PRELID2: variants seen among roughly 807,000 people sequenced by gnomAD.
The protein encoded by PRELID2 is PRELI domain containing 2.
In PRELID2, 25 loss-of-function variants were observed where a neutral mutation model predicts 28.4. The ratio of observed to expected loss-of-function variants is 0.88; its 90% confidence interval spans 0.64 to 1.23. The LOEUF (loss-of-function observed/expected upper bound fraction) is 1.23. Among genes scored for constraint, PRELID2 ranks in the 50% most tolerant of loss-of-function variants. The pLI is 0.00. For missense variants in PRELID2, 201 were observed against 214.4 expected, an observed-to-expected ratio of 0.94 and a Z score of 0.39; for synonymous variants, 76 against 71.6, an observed-to-expected ratio of 1.06 and a Z score of -0.31.
intron 1 of PRELID2, among the ~76,000 whole-genome samples, chr5:145,723,062 A>C (rs996627798): frequency 6.6e-6 from 1 of 152,176 alleles, no homozygotes; most frequent in African/African-American, 2.4e-5. Context: ...TATAATATTG[A>C]TACCTAAATT....
intron 1 of PRELID2, among the ~76,000 whole-genome samples, chr5:145,629,345 C>G (rs1753900569): frequency 6.6e-6 from 1 of 152,152 alleles, no homozygotes; most frequent in South Asian, 2.1e-4. Flanking sequence ...CGTTCAAGTC[C>G]TTTTTCTTTT....
At chr5:145,455,717 G>A in the PRELID2 span, among the ~76,000 whole-genome samples, 2 of 152,124 alleles carry the variant, frequency 1.3e-5, no homozygotes, top group African/African-American at 4.8e-5. Context: ...TTGTGAATGG[G>A]AGTTCACTCA....
At chr5:145,262,351 T>A in the PRELID2 span, among the ~76,000 whole-genome samples, 1 of 151,808 alleles carries the variant, frequency 6.6e-6, no homozygotes, top group South Asian at 2.1e-4. Flanking sequence ...GGGAAATTAA[T>A]CACAAAAAGA....
intron 5 of PRELID2, among the ~76,000 whole-genome samples, chr5:145,766,295 T>A (rs888730717): frequency 6.6e-6 from 1 of 151,884 alleles, no homozygotes; most frequent in Non-Finnish European, 1.5e-5. Flanking sequence ...CCAGGAAAAT[T>A]CTGATTTAAT....
At chr5:145,710,428 G>T (rs564091196) in intron 1 of PRELID2, among the ~76,000 whole-genome samples, 1 of 152,052 alleles carries the variant, frequency 6.6e-6, no homozygotes, top group Admixed American at 6.6e-5. Flanking sequence ...TTTTCAAAAA[G>T]GTAGGAAATA....
At chr5:145,623,453 A>T (rs6883831) in intron 1 of PRELID2, among the ~76,000 whole-genome samples, 15,565 of 150,276 alleles carry the variant, frequency 0.1, 1,102 homozygotes, top group Admixed American at 0.2. Flanking sequence ...TTCTCAAAAA[A>T]AAATAAATAA....
At chr5:145,701,308 T>C (rs1429869090) in intron 1 of PRELID2, among the ~76,000 whole-genome samples, 1 of 152,126 alleles carries the variant, frequency 6.6e-6, no homozygotes, top group Non-Finnish European at 1.5e-5. Flanking sequence ...TACTTTCAAC[T>C]TAATTAAAAA....
chr5:145,424,830 T>A, the PRELID2 span, among the ~76,000 whole-genome samples: 15 of 152,254 alleles, frequency 9.9e-5, no homozygotes, highest in African/African-American at 3.6e-4. Flanking sequence ...GAAGAAAATC[T>A]AGGCAATACC....
chr5:145,817,442 T>TAC (rs1561644406), intron 4 of PRELID2, among the ~76,000 whole-genome samples: 7 of 139,810 alleles, frequency 5.0e-5, no homozygotes, highest in Non-Finnish European at 9.3e-5. Flanking sequence ...TATATATATA[T>TAC]ATATATCACA....
intron 1 of PRELID2, among the ~76,000 whole-genome samples, chr5:145,742,187 TATAA>T (rs1489836900): frequency 1.5e-3 from 58 of 38,374 alleles, no homozygotes; most frequent in African/African-American, 3.7e-3. Context: ...TAAATTTATA[TATAA>T]ATAATAATAT....
chr5:145,434,886 T>G, the PRELID2 span, among the ~76,000 whole-genome samples: 1 of 152,016 alleles, frequency 6.6e-6, no homozygotes, highest in African/African-American at 2.4e-5. Context: ...AGATGAGAGG[T>G]GTATGCAGTG....
intron 5 of PRELID2, among the ~76,000 whole-genome samples, chr5:145,792,738 T>C (rs978779962): frequency 6.6e-6 from 1 of 152,136 alleles, no homozygotes; most frequent in Admixed American, 6.5e-5. Flanking sequence ...AAAAAAAACA[T>C]ATAACCATAA....
chr5:145,520,770 C>G (rs1752557126), intron 1 of PRELID2, among the ~76,000 whole-genome samples: 1 of 152,106 alleles, frequency 6.6e-6, no homozygotes, highest in Non-Finnish European at 1.5e-5. Context: ...CTCAAGCAGA[C>G]AAGGATTGCC....
the PRELID2 span, among the ~76,000 whole-genome samples, chr5:145,288,051 G>C: frequency 1.3e-5 from 2 of 152,112 alleles, no homozygotes; most frequent in Non-Finnish European, 2.9e-5. Context: ...ATCATATCCA[G>C]AGTATATGCT....
At chr5:145,305,310 A>T in the PRELID2 span, among the ~76,000 whole-genome samples, 2 of 152,228 alleles carry the variant, frequency 1.3e-5, no homozygotes, top group South Asian at 4.1e-4. Context: ...CCCAACAGGG[A>T]TTCAGAAATC....
At chr5:145,239,285 G>A in the PRELID2 span, among the ~76,000 whole-genome samples, 1 of 152,172 alleles carries the variant, frequency 6.6e-6, no homozygotes, top group East Asian at 1.9e-4. Flanking sequence ...AGGGGCAAAA[G>A]AATGAGGAGT....
chr5:145,273,346 GC>G, the PRELID2 span, among the ~76,000 whole-genome samples: 32 of 152,086 alleles, frequency 2.1e-4, no homozygotes, highest in African/African-American at 7.2e-4. Context: ...TCTTAAGCAC[GC>G]CCAACCCTCC....
chr5:145,230,965 G>C, the PRELID2 span, among the ~76,000 whole-genome samples: 2 of 152,148 alleles, frequency 1.3e-5, no homozygotes, highest in African/African-American at 4.8e-5. Flanking sequence ...GAGATAACAA[G>C]GAGAAAGCCT....
intron 1 of PRELID2, among the ~76,000 whole-genome samples, chr5:145,700,875 C>T (rs1350812505): frequency 6.6e-6 from 1 of 152,118 alleles, no homozygotes; most frequent in South Asian, 2.1e-4. Flanking sequence ...GTGAGCAAGC[C>T]CCTCCATGGC....
Sources: gnomAD v4.1 joint callset for allele counts (sites outside exome capture counted in the v4.1 genomes callset) on GRCh38, gnomAD v4.1.1 for gene constraint, MANE v1.5 for transcripts, NCBI Gene and HGNC (gene_info 2026-07-23, HGNC 2026-07-21) for gene names.